Variants in ARHGEF4 observed in about 807,000 individuals in gnomAD.
ARHGEF4 encodes the protein APC-stimulated guanine nucleotide exchange factor 1.
In ARHGEF4, 119 loss-of-function variants were observed where a neutral mutation model predicts 162.0. That is an observed-to-expected ratio of 0.73 (90% CI 0.63 to 0.86). The LOEUF (loss-of-function observed/expected upper bound fraction) is 0.86. ARHGEF4 is among the 40% of genes least tolerant of loss of function. The pLI is 0.00. For missense variants in ARHGEF4, 2,488 were observed against 2,456.0 expected (o/e 1.01, Z -0.28); for synonymous variants, 1,014 against 979.9 (o/e 1.03, Z -0.65).
intron 1 of ARHGEF4, among the ~76,000 whole-genome samples, chr2:130,861,079 G>A: frequency 1.3e-5 from 1 of 74,540 alleles, no homozygotes; most frequent in Non-Finnish European, 2.3e-5. Flanking sequence ...TTCACTAAAT[G>A]CAAAAGGAAG....
At chr2:130,841,529 G>A (rs993488642) in intron 1 of ARHGEF4, among the ~76,000 whole-genome samples, 4 of 151,952 alleles carry the variant, frequency 2.6e-5, no homozygotes, top group Non-Finnish European at 4.4e-5. Flanking sequence ...TCTGGCTGCC[G>A]GCACCTGAAT....
At chr2:130,862,550 A>C (rs1354129385) in intron 1 of ARHGEF4, among the ~76,000 whole-genome samples, 1 of 24,038 alleles carries the variant, frequency 4.2e-5, no homozygotes, top group Non-Finnish European at 6.5e-5. Context: ...TAGATACAAG[A>C]AAAGCAGAAA....
At chr2:130,996,267 G>A (rs951212778) in intron 4 of ARHGEF4, among the ~76,000 whole-genome samples, 4 of 152,196 alleles carry the variant, frequency 2.6e-5, no homozygotes, top group Non-Finnish European at 5.9e-5. Flanking sequence ...CTGCACACTC[G>A]GCTTACCTGC....
At chr2:130,925,085 T>TGTGTGA (rs1553514486) in intron 2 of ARHGEF4, among the ~76,000 whole-genome samples, 1 of 136,218 alleles carries the variant, frequency 7.3e-6, no homozygotes, top group Non-Finnish European at 1.6e-5. Flanking sequence ...TGTGTGCGTC[T>TGTGTGA]GAGAGAGAGA....
Position 131,046,241 on chromosome 2 carries a change from GT to G in ARHGEF4, c.*57del. 1 of 1,557,300 alleles carries G rather than the reference GT, an allele frequency of 6.4e-7. No individual in the cohort carries two copies. The highest frequency in any genetic ancestry group is 8.7e-7 in the Non-Finnish European group (1 of 1,144,160). The stretch of plus-strand genomic sequence containing the variant: ...TGGGCCTTCCTGCCAGTGGCCCCCA[GT>G]TTTTCTTCCCCGAGGCCCACTCGGC... On this transcript the variant is annotated 3_prime_UTR_variant, in exon 14 of 14. Transcript: ENST00000409359.
chr2:130,914,266 A>C lies in ARHGEF4; in HGVS notation c.320A>C (p.Asp107Ala), dbSNP rs778461923. 1.2e-4 allele frequency: 179 copies of C among 1,529,748 alleles called. No individual in the cohort carries two copies. In the Middle Eastern group the frequency reaches 2.0e-3, roughly 17 times the overall value. 94.8% of individuals were successfully genotyped at this position (1,529,748 alleles called of 1,614,324 possible). Reference sequence around the variant, plus strand: ...ATAGAAGCACCTTGGGAATACCCTGATGTCTCAGCAACTGGACCCCCTCAG... The same window carrying C: ...ATAGAAGCACCTTGGGAATACCCTGCTGTCTCAGCAACTGGACCCCCTCAG... ...VDIEAPWEYPDVSATGPPQEQ... is the reference protein window; with the variant it reads ...VDIEAPWEYPAVSATGPPQEQ... Residue 107 changes from aspartate (D) to alanine (A), a missense_variant, in exon 2 of 14, where the codon GAT (aspartate) becomes GCT (alanine). Physicochemically the swap from Asp to Ala is moderately radical, Grantham distance 126. Around this residue, in one of 6 missense-constraint regions of ARHGEF4, gnomAD observed 171 missense variants for 169.4 expected, o/e 1.01. Transcript: ENST00000409359.
intron 4 of ARHGEF4, among the ~76,000 whole-genome samples, chr2:130,990,868 C>T (rs1460439877): frequency 6.6e-6 from 1 of 151,926 alleles, no homozygotes; most frequent in Non-Finnish European, 1.5e-5. Flanking sequence ...AAATTCTCCC[C>T]TTGAGAATTT....
intron 4 of ARHGEF4, among the ~76,000 whole-genome samples, chr2:131,022,374 G>T (rs1421303641): frequency 6.6e-6 from 1 of 151,862 alleles, no homozygotes; most frequent in African/African-American, 2.4e-5. Flanking sequence ...TTCTTCTTGA[G>T]TCAGTTTTGG....
chr2:131,022,846 T>A (rs1689222319), intron 4 of ARHGEF4, among the ~76,000 whole-genome samples: 1 of 151,604 alleles, frequency 6.6e-6, no homozygotes, highest in Non-Finnish European at 1.5e-5. Flanking sequence ...AATTTTAAAC[T>A]TTGGCACTAT....
At chr2:131,001,298 G>A (rs1687742327) in intron 4 of ARHGEF4, among the ~76,000 whole-genome samples, 1 of 82,710 alleles carries the variant, frequency 1.2e-5, no homozygotes, top group Admixed American at 1.9e-4. Context: ...GTGAGACTGT[G>A]TCTCAAAAAA....
chr2:130,947,006 G>C (rs1452395005), intron 4 of ARHGEF4: 1 of 190,094 alleles, frequency 5.3e-6, no homozygotes, highest in African/African-American at 2.3e-5. Context: ...CAAGGTGGGC[G>C]GATCATATGA....
At chr2:131,014,272 T>C (rs537829857) in intron 4 of ARHGEF4, among the ~76,000 whole-genome samples, 1 of 152,340 alleles carries the variant, frequency 6.6e-6, no homozygotes, top group African/African-American at 2.4e-5. Flanking sequence ...GCTGTTCACA[T>C]CCCTGGCATT....
intron 2 of ARHGEF4, among the ~76,000 whole-genome samples, chr2:130,922,034 G>A (rs1681903896): frequency 6.6e-6 from 1 of 151,644 alleles, no homozygotes; most frequent in Admixed American, 6.6e-5. Context: ...GGATACCCTT[G>A]TCAAACTAAA....
intron 5 of ARHGEF4, chr2:131,035,829 C>T (rs1690236338): frequency 1.0e-6 from 1 of 985,410 alleles, no homozygotes; most frequent in Non-Finnish European, 1.2e-6. Flanking sequence ...CCCCACCCTG[C>T]ACGTCTGGTA....
chr2:130,913,862 G>T, intron 1 of ARHGEF4, 124 bp from the exon 2 acceptor site: 1 of 1,177,066 alleles, frequency 8.5e-7, no homozygotes, highest in Non-Finnish European at 1.2e-6. Flanking sequence ...CTTCCTAGGG[G>T]TACATGGGGA....
chr2:130,962,638 A>C (rs1044426373), intron 4 of ARHGEF4, among the ~76,000 whole-genome samples: 4 of 152,114 alleles, frequency 2.6e-5, no homozygotes, highest in African/African-American at 9.7e-5. Flanking sequence ...ACCCCAGTGG[A>C]GGGCAGGGCA....
chr2:130,937,003 G>A (rs1265849579), intron 3 of ARHGEF4, among the ~76,000 whole-genome samples: 1 of 141,580 alleles, frequency 7.1e-6, no homozygotes, highest in African/African-American at 2.6e-5. Flanking sequence ...CACCTCCTAA[G>A]TTCAAGCAAT....
chr2:131,005,056 C>T (rs1688031830), intron 4 of ARHGEF4, among the ~76,000 whole-genome samples: 1 of 152,268 alleles, frequency 6.6e-6, no homozygotes, highest in Non-Finnish European at 1.5e-5. Context: ...CCCTGGGTGG[C>T]TGAGTATGGC....
chr2:130,915,110 C>G lies in ARHGEF4; in HGVS notation c.1164C>G (p.Gly388=). The change falls in exon 2 of 14, where the codon GGC becomes GGG. Residue 388 remains glycine, a synonymous_variant. Transcript: ENST00000409359. ...CCCCTGCACCCACCCAGCTGTCTGG[C>G]CCGATTCCTGCTTTTCAGAGTGGGG... ...IPSPAPTQLS[G]PIPAFQSGAP... is the part of the protein sequence containing the mutation. The G allele has an allele frequency of 6.4e-7, 1 of 1,550,696 alleles. No homozygotes were observed. Among genetic ancestry groups the G allele is most frequent in the East Asian group, 2.4e-5 (1 of 40,922 alleles).
Sources: allele counts gnomAD v4.1 joint callset (sites outside exome capture counted in the v4.1 genomes callset), GRCh38; gene constraint gnomAD v4.1.1; regional missense constraint gnomAD v4.1.1; transcripts MANE v1.5; gene names NCBI Gene and HGNC (gene_info 2026-07-23, HGNC 2026-07-21).